The following MYO16 variants were observed in gnomAD, a reference collection of about 807,000 sequenced individuals.
The protein encoded by MYO16 is myosin XVI.
A neutral mutation model predicts 205.3 loss-of-function variants in MYO16; 94 were observed. The ratio of observed to expected loss-of-function variants is 0.46; its 90% CI spans 0.39 to 0.54. The LOEUF (loss-of-function observed/expected upper bound fraction) is 0.54. MYO16 is among the 20% of genes least tolerant of loss of function. The probability of loss-of-function intolerance (pLI) is 0.00; values close to 1 mark genes in which losing one functional copy is unlikely to be tolerated. For missense variants in MYO16, 2,315 were observed against 2,387.5 expected, an observed-to-expected ratio of 0.97 and a Z score of 0.63; for synonymous variants, 988 against 954.0, an observed-to-expected ratio of 1.04 and a Z score of -0.66.
chr13:109,165,050 AT>A lies in MYO16; in HGVS notation c.5315del (p.Ile1772ThrfsTer16), dbSNP rs764015713. 6.3e-7 allele frequency: 1 copy of A among 1,594,430 alleles called. No individual in the cohort carries two copies. Among genetic ancestry groups the A allele is most frequent in the Non-Finnish European group, 8.5e-7 (1 of 1,172,644 alleles). Reference sequence around the variant, plus strand: ...TATAACTGCTGAAAATGGAAATTCCATCTCAAATGGTAAGCACTTTTTAAAC... The same window carrying A: ...TATAACTGCTGAAAATGGAAATTCCACTCAAATGGTAAGCACTTTTTAAAC... ...SAITAENGNSISNGLPEEDGY... is the reference protein window; with the variant it reads ...SAITAENGNSXSNGLPEEDGY... On this transcript the variant is annotated frameshift_variant, in exon 33 of 35. Coordinates refer to ENST00000457511, the MANE Select transcript of MYO16 (RefSeq NM_001198950.3). LOFTEE classifies it high-confidence loss of function.
intron 20 of MYO16, among the ~76,000 whole-genome samples, chr13:108,969,904 T>G (rs1883943484): frequency 1.3e-5 from 2 of 152,232 alleles, no homozygotes; most frequent in Non-Finnish European, 2.9e-5. Context: ...TAGAATTTTC[T>G]TAACACTTCT....
At chr13:109,077,140 C>T (rs1027814033) in intron 27 of MYO16, among the ~76,000 whole-genome samples, 10 of 152,050 alleles carry the variant, frequency 6.6e-5, no homozygotes, top group Admixed American at 1.3e-4. Context: ...CTGCCTCAGC[C>T]TCCCAACTAG....
chr13:108,591,566 A>T (rs1878399982), upstream of MYO16, among the ~76,000 whole-genome samples: 1 of 152,010 alleles, frequency 6.6e-6, no homozygotes, highest in African/African-American at 2.4e-5. Context: ...GCTTTTCATA[A>T]TGATTGGAAG....
chr13:108,833,591 C>G (rs980037949), intron 9 of MYO16, among the ~76,000 whole-genome samples: 3 of 152,048 alleles, frequency 2.0e-5, no homozygotes, highest in Non-Finnish European at 2.9e-5. Flanking sequence ...TATTTCATCT[C>G]TATGGTTTTC....
chr13:108,508,429 G>T, the MYO16 span, among the ~76,000 whole-genome samples: 2 of 152,108 alleles, frequency 1.3e-5, no homozygotes, highest in South Asian at 2.1e-4. Context: ...TTCTTTTCTT[G>T]GAGTTTGTAA....
At chr13:108,686,831 G>T (rs1566550119) in intron 2 of MYO16, among the ~76,000 whole-genome samples, 2 of 152,234 alleles carry the variant, frequency 1.3e-5, no homozygotes, top group East Asian at 3.9e-4. Flanking sequence ...GGGAAGAGGG[G>T]TGGTGTGTAA....
intron 16 of MYO16, among the ~76,000 whole-genome samples, chr13:108,950,105 G>A (rs868763392): frequency 2.0e-5 from 3 of 151,958 alleles, no homozygotes; most frequent in African/African-American, 7.2e-5. Context: ...AACAAAAGAA[G>A]GAAATATTTG....
chr13:108,622,280 G>A (rs1423487936), intron 1 of MYO16, among the ~76,000 whole-genome samples: 1 of 152,158 alleles, frequency 6.6e-6, no homozygotes, highest in African/African-American at 2.4e-5. Context: ...GTGATGGTTG[G>A]AATTGTACTT....
chr13:108,780,835 A>G (rs992024895), intron 4 of MYO16, among the ~76,000 whole-genome samples: 4 of 152,176 alleles, frequency 2.6e-5, no homozygotes, highest in Admixed American at 2.6e-4. Context: ...TATTGGGAAT[A>G]ATACCAGGTA....
intron 4 of MYO16, among the ~76,000 whole-genome samples, chr13:108,743,786 A>G (rs764775857): frequency 6.6e-6 from 1 of 152,230 alleles, no homozygotes; most frequent in Non-Finnish European, 1.5e-5. Context: ...ATAGCTAAAC[A>G]TTTCGTACAC....
chr13:108,926,173 C>T (rs900682026), intron 16 of MYO16, among the ~76,000 whole-genome samples: 6 of 152,176 alleles, frequency 3.9e-5, no homozygotes, highest in African/African-American at 1.2e-4. Flanking sequence ...TGACGTGTTT[C>T]AGCGTGTGTA....
At chr13:108,520,000 G>A in the MYO16 span, among the ~76,000 whole-genome samples, 1 of 152,116 alleles carries the variant, frequency 6.6e-6, no homozygotes, top group Non-Finnish European at 1.5e-5. Context: ...GGGGCCATCA[G>A]TTTACAAGAT....
chr13:108,610,902 G>A (rs1169033031), intron 1 of MYO16, among the ~76,000 whole-genome samples: 2 of 152,148 alleles, frequency 1.3e-5, no homozygotes, highest in African/African-American at 2.4e-5. Context: ...GGATAGATAA[G>A]TCTACCGGAA....
intron 10 of MYO16, among the ~76,000 whole-genome samples, chr13:108,851,939 C>T (rs1877894256): frequency 6.6e-6 from 1 of 152,108 alleles, no homozygotes; most frequent in South Asian, 2.1e-4. Flanking sequence ...GCTGCTGCCT[C>T]CTCCCACCTC....
At chr13:109,153,948 C>G (rs1877835340) in intron 32 of MYO16, among the ~76,000 whole-genome samples, 1 of 152,162 alleles carries the variant, frequency 6.6e-6, no homozygotes. Context: ...TTTGTCCTTC[C>G]TGAGTGACTG....
chr13:109,019,903 G>A lies in MYO16; in HGVS notation c.2788G>A (p.Ala930Thr), dbSNP rs373531661. 20 of 1,613,882 alleles carry A rather than the reference G, an allele frequency of 1.2e-5. No individual in the cohort carries two copies. Among genetic ancestry groups the A allele is most frequent in the Middle Eastern group, 1.6e-4 (1 of 6,078 alleles). The change falls in exon 23 of 35, where the codon GCA becomes ACA. Residue 930 changes from alanine (A) to threonine (T), a missense_variant. Ala to Thr is a moderately conservative substitution (Grantham distance 58, BLOSUM62 0). This residue lies in a region of MYO16 where 1,213 missense variants were observed against 1,274.4 expected (regional missense o/e 0.95). Coordinates refer to ENST00000457511, the MANE Select transcript of MYO16 (RefSeq NM_001198950.3). ...HGTAFTIMHY[A>T]GRVMYDVVGA... Reference sequence around the variant, plus strand: ...TACAGCCTTCACCATCATGCACTACGCAGGAAGGGTAAGTGGCCAGAACTG... The same window carrying A: ...TACAGCCTTCACCATCATGCACTACACAGGAAGGGTAAGTGGCCAGAACTG...
chr13:108,832,144 A>ATTTT (rs10635580), intron 9 of MYO16, among the ~76,000 whole-genome samples: 76,780 of 134,238 alleles, frequency 0.57, 23,174 homozygotes, highest in Middle Eastern at 0.66. Context: ...TTCCGTATGG[A>ATTTT]TTTTTTTTTT....
intron 34 of MYO16, among the ~76,000 whole-genome samples, chr13:109,194,902 T>C (rs1167522376): frequency 7.9e-5 from 12 of 152,104 alleles, no homozygotes; most frequent in Admixed American, 7.9e-4. Flanking sequence ...ATTAACTATA[T>C]TGCATGATTT....
At chr13:108,607,217 G>A (rs1384510135) in intron 1 of MYO16, among the ~76,000 whole-genome samples, 1 of 152,182 alleles carries the variant, frequency 6.6e-6, no homozygotes, top group Non-Finnish European at 1.5e-5. Flanking sequence ...AAACTTTGGG[G>A]AACTGTTGGG....
Sources: allele counts gnomAD v4.1 joint callset (sites outside exome capture counted in the v4.1 genomes callset), GRCh38; gene constraint gnomAD v4.1.1; regional missense constraint gnomAD v4.1.1; transcripts MANE v1.5; gene names NCBI Gene and HGNC (gene_info 2026-07-23, HGNC 2026-07-21).